Variants in SPOCK1 observed in about 807,000 individuals in gnomAD.
SPOCK1 encodes SPARC (osteonectin), cwcv and kazal like domains proteoglycan 1.
SPOCK1 carries 23 observed loss-of-function variants against 55.3 expected under a neutral mutation model. The ratio of observed to expected loss-of-function variants is 0.42; its 90% CI spans 0.30 to 0.59. The LOEUF (loss-of-function observed/expected upper bound fraction) is 0.59. SPOCK1 is among the 20% of genes least tolerant of loss of function. SPOCK1 has a pLI of 0.22. For missense variants in SPOCK1, 499 were observed against 552.5 expected (o/e 0.90, Z 0.97); for synonymous variants, 226 against 221.0 (o/e 1.02, Z -0.20).
At chr5:137,395,235 TTC>T (rs1253241620) in intron 2 of SPOCK1, among the ~76,000 whole-genome samples, 2 of 152,308 alleles carry the variant, frequency 1.3e-5, no homozygotes, top group South Asian at 4.1e-4. Context: ...GGTAAAAAAT[TTC>T]TGACGTGATC....
chr5:137,442,735 G>A (rs901622776), intron 2 of SPOCK1, among the ~76,000 whole-genome samples: 1 of 152,216 alleles, frequency 6.6e-6, no homozygotes. Flanking sequence ...TGCCAACAAG[G>A]AAAACAACAG....
intron 3 of SPOCK1, among the ~76,000 whole-genome samples, chr5:137,252,884 C>T (rs925039088): frequency 1.8e-4 from 27 of 152,174 alleles, no homozygotes; most frequent in African/African-American, 6.5e-4. Flanking sequence ...CACTTCGAAG[C>T]TGGACAACAG....
At chr5:137,448,921 G>A (rs978751016) in intron 2 of SPOCK1, among the ~76,000 whole-genome samples, 8 of 152,232 alleles carry the variant, frequency 5.3e-5, no homozygotes, top group Non-Finnish European at 8.8e-5. Flanking sequence ...CTGCCCTTCA[G>A]TAGGAATCTG....
intron 2 of SPOCK1, among the ~76,000 whole-genome samples, chr5:137,370,742 A>G (rs2127170613): frequency 6.6e-6 from 1 of 152,334 alleles, no homozygotes; most frequent in Middle Eastern, 3.4e-3. Flanking sequence ...CTGTACTGAG[A>G]TTTCTCTAAG....
chr5:136,979,185 A>T (rs1043755965), intron 10 of SPOCK1, 147 bp downstream of exon 10: 2 of 1,190,978 alleles, frequency 1.7e-6, no homozygotes, highest in African/African-American at 3.0e-5. Context: ...ACGGGAGCTC[A>T]TGTGATTTCA....
chr5:137,292,123 A>G (rs370141146), intron 2 of SPOCK1, among the ~76,000 whole-genome samples: 2 of 152,172 alleles, frequency 1.3e-5, no homozygotes, highest in African/African-American at 4.8e-5. Context: ...AGAACTTTCA[A>G]ATTACAGGGA....
chr5:137,376,703 C>A (rs1751326112), intron 2 of SPOCK1, among the ~76,000 whole-genome samples: 1 of 152,136 alleles, frequency 6.6e-6, no homozygotes, highest in Non-Finnish European at 1.5e-5. Context: ...TATTTTCAGG[C>A]TCTTGTTTTT....
intron 2 of SPOCK1, among the ~76,000 whole-genome samples, chr5:137,285,885 T>C (rs1226727496): frequency 1.3e-5 from 2 of 152,178 alleles, no homozygotes; most frequent in Non-Finnish European, 2.9e-5. Flanking sequence ...AATTGTTTTT[T>C]TTTTCTGTAA....
chr5:137,234,220 G>C (rs1286282592), intron 3 of SPOCK1, among the ~76,000 whole-genome samples: 1 of 152,176 alleles, frequency 6.6e-6, no homozygotes, highest in Non-Finnish European at 1.5e-5. Context: ...TCTCTCAGTA[G>C]AGGACAGGAT....
At chr5:137,471,258 C>A (rs1340168449) in intron 2 of SPOCK1, among the ~76,000 whole-genome samples, 1 of 152,164 alleles carries the variant, frequency 6.6e-6, no homozygotes, top group East Asian at 1.9e-4. Flanking sequence ...ATTAGATTGG[C>A]AGATTTTGCT....
chr5:137,119,801 C>T (rs1229442205), intron 4 of SPOCK1, among the ~76,000 whole-genome samples: 4 of 152,320 alleles, frequency 2.6e-5, no homozygotes, highest in South Asian at 2.1e-4. Context: ...GCCTTATAAG[C>T]GGCCTTATTA....
intron 6 of SPOCK1, among the ~76,000 whole-genome samples, chr5:137,021,615 A>C (rs1186261926): frequency 6.6e-6 from 1 of 152,236 alleles, no homozygotes; most frequent in Non-Finnish European, 1.5e-5. Flanking sequence ...TGTTTCATTA[A>C]GGTAGTTCTG....
At chr5:137,058,884 A>G (rs1473575411) in intron 6 of SPOCK1, among the ~76,000 whole-genome samples, 2 of 152,206 alleles carry the variant, frequency 1.3e-5, no homozygotes, top group African/African-American at 4.8e-5. Flanking sequence ...CCTGGAGCTG[A>G]GCACACAAGG....
At chr5:137,452,678 G>T (rs1753279337) in intron 2 of SPOCK1, among the ~76,000 whole-genome samples, 1 of 152,160 alleles carries the variant, frequency 6.6e-6, no homozygotes, top group South Asian at 2.1e-4. Flanking sequence ...GCATAGTTAT[G>T]ACTACAATGG....
chr5:137,477,568 A>T (rs1753861868), intron 2 of SPOCK1, among the ~76,000 whole-genome samples: 1 of 152,186 alleles, frequency 6.6e-6, no homozygotes, highest in Non-Finnish European at 1.5e-5. Flanking sequence ...AGGGAAGCAG[A>T]GGGGGCCAGC....
At chr5:137,226,327 A>C (rs1242954986) in intron 3 of SPOCK1, among the ~76,000 whole-genome samples, 2 of 152,222 alleles carry the variant, frequency 1.3e-5, no homozygotes, top group Non-Finnish European at 1.5e-5. Context: ...GCCAGAATTA[A>C]ACTATTGACC....
chr5:137,063,478 T>C (rs1752436105), intron 6 of SPOCK1, among the ~76,000 whole-genome samples: 1 of 151,342 alleles, frequency 6.6e-6, no homozygotes. Flanking sequence ...GAAGATGTTA[T>C]AACTCAAAAG....
intron 5 of SPOCK1, among the ~76,000 whole-genome samples, chr5:137,091,418 A>T (rs1753053411): frequency 6.6e-6 from 1 of 152,232 alleles, no homozygotes; most frequent in Non-Finnish European, 1.5e-5. Flanking sequence ...CTTCATCATG[A>T]TATCAATGCC....
At chr5:136,980,561 C>T (rs546015845) in intron 9 of SPOCK1, among the ~76,000 whole-genome samples, 4 of 152,162 alleles carry the variant, frequency 2.6e-5, no homozygotes, top group Non-Finnish European at 5.9e-5. Context: ...GTGAATAAGT[C>T]TCACAAGATC....
Sources: allele counts gnomAD v4.1 joint callset (sites outside exome capture counted in the v4.1 genomes callset), GRCh38; gene constraint gnomAD v4.1.1; transcripts MANE v1.5; gene names NCBI Gene and HGNC (gene_info 2026-07-23, HGNC 2026-07-21).